POLR1A: variants seen among roughly 807,000 people sequenced by gnomAD.
POLR1A encodes the protein RNA polymerase I subunit A, also known as DNA-directed RNA polymerase I subunit RPA1.
POLR1A carries 84 observed loss-of-function variants against 205.3 expected under a neutral mutation model. The ratio of observed to expected loss-of-function variants is 0.41; its 90% CI spans 0.34 to 0.49. The LOEUF (loss-of-function observed/expected upper bound fraction) is 0.49. POLR1A is among the 20% of genes least tolerant of loss of function. POLR1A has a pLI of 0.22. For missense variants in POLR1A, 1,645 were observed against 2,204.5 expected (o/e 0.75, Z 5.08); for synonymous variants, 799 against 863.7 (o/e 0.93, Z 1.31).
chr2:86,028,499 G>A lies in POLR1A; in HGVS notation c.4897+95C>T. 2 of 852,134 alleles carry A rather than the reference G, an allele frequency of 2.3e-6. No individual in the cohort carries two copies. Among genetic ancestry groups the A allele is most frequent in the Non-Finnish European group, 4.1e-6 (2 of 491,232 alleles). 52.8% of individuals were successfully genotyped at this position (852,134 alleles called of 1,614,324 possible). On this transcript the variant is annotated intron_variant, in intron 32 of 33. Transcript: ENST00000263857. This position sits in a 1 kb window ranked among gnomAD's most constrained non-coding sequence, Gnocchi z 4.5. Reference sequence around the variant, plus strand: ...CCTGCCTTAGTGCTGGACTGACTCGGTGCTGGACCGACACGGTCCTGACCC... The same window carrying A: ...CCTGCCTTAGTGCTGGACTGACTCGATGCTGGACCGACACGGTCCTGACCC...
intron 12 of POLR1A, among the ~76,000 whole-genome samples, chr2:86,072,238 A>G (rs1673191630): frequency 6.6e-6 from 1 of 152,136 alleles, no homozygotes; most frequent in African/African-American, 2.4e-5. Context: ...TCCCCTCCCC[A>G]TTGCCAAGTC....
rs907439179 is a variant in POLR1A, at chr2:86,027,370, C to A, written c.*53G>T. ...CCTCTCATGCAGAAGGCAGGCTGGG[C>A]CACGCCCTCACCAAGGGTCCTTGGA... On this transcript the variant is annotated 3_prime_UTR_variant, in exon 34 of 34. Transcript: ENST00000263857. The A allele has an allele frequency of 5.5e-6, 8 of 1,442,120 alleles. No homozygotes were observed. Among genetic ancestry groups the A allele is most frequent in the Admixed American group, 1.7e-5 (1 of 59,778 alleles). The allele number at this position is 1,442,120 out of a possible 1,614,324, so 89.3% of individuals were successfully genotyped here. A position where few individuals can be genotyped will look rare whatever the true frequency, so the allele number is the denominator to read the frequency against.
chr2:86,079,999 C>T (rs1392703674), intron 9 of POLR1A, among the ~76,000 whole-genome samples: 3 of 152,108 alleles, frequency 2.0e-5, no homozygotes, highest in Admixed American at 1.3e-4. Flanking sequence ...CACACCAATG[C>T]GGGCCGATCA....
At position 86,028,451 on chromosome 2, in the gene POLR1A, C is replaced by T. The variant is rs116768933; in HGVS notation, c.4897+143G>A. On this transcript the variant is annotated intron_variant, in intron 32 of 33. Coordinates refer to ENST00000263857, the MANE Select transcript of POLR1A (RefSeq NM_015425.6). This position sits in a 1 kb window ranked among gnomAD's most constrained non-coding sequence, Gnocchi z 4.5. ...AGATCTGCAGTCTCCTACAGGTGCA[C>T]TCACTGCACGCATGCTGCAGTGCCT... The T allele has an allele frequency of 3.3e-3, 2,289 of 696,000 alleles. 32 individuals are homozygous for T. In the African/African-American group the frequency reaches 0.035, roughly 11 times the overall value. 43.1% of individuals were successfully genotyped at this position (696,000 alleles called of 1,614,324 possible). A position where few individuals can be genotyped will look rare whatever the true frequency, so the allele number is the denominator to read the frequency against.
chr2:86,030,150 G>A, intron 31 of POLR1A, 46 bp downstream of exon 31: 3 of 1,497,040 alleles, frequency 2.0e-6, no homozygotes, highest in African/African-American at 2.7e-5. Context: ...ACAACGTGGG[G>A]TGAGGACTAA....
In POLR1A at chr2:86,033,729, T is replaced by C. The variant is rs370761213; in HGVS notation, c.4093A>G (p.Arg1365Gly). 9.3e-6 allele frequency: 15 copies of C among 1,613,920 alleles called. No individual in the cohort carries two copies. The African/African-American group carries it at 1.9e-4, about 20-fold the overall frequency. ...KKKNNKASAF[R>G]NVNTRRATQR... ...GTAGCTCTTCGAGTGTTTACGTTCC[T>C]GAAAGCTGATGCTTTATTATTCTTC... is the stretch of plus-strand genomic sequence containing the variant. The change falls in exon 28 of 34, where the codon AGG becomes GGG. Residue 1365 changes from arginine (R) to glycine (G), a missense_variant. This residue lies in a region of POLR1A where 394 missense variants were observed against 468.5 expected (regional missense o/e 0.84). Transcript: ENST00000263857.
chr2:86,095,813 T>C (rs1415786499), intron 3 of POLR1A, among the ~76,000 whole-genome samples: 1 of 151,602 alleles, frequency 6.6e-6, no homozygotes, highest in African/African-American at 2.4e-5. Context: ...CTGCAAGCTC[T>C]GCCTCCTGGG....
chr2:86,080,886 C>A lies in POLR1A; in HGVS notation c.1016G>T (p.Arg339Leu), dbSNP rs764656957. The change falls in exon 9 of 34, where the codon CGA (arginine) becomes CTA (leucine). Residue 339 changes from arginine (R) to leucine (L), a missense_variant. Coordinates refer to ENST00000263857, the MANE Select transcript of POLR1A (RefSeq NM_015425.6). Reference protein sequence around the residue: ...QAVMKDVVLIRKLLALMAQEQ... With the variant: ...QAVMKDVVLILKLLALMAQEQ... ...TTGGGCCATCAATGCCAGAAGTTTT[C>A]GAATCAGAACTACATCCTTCATGAC... is the stretch of plus-strand genomic sequence containing the variant. 1 of 1,614,124 alleles carries A rather than the reference C, an allele frequency of 6.2e-7. No homozygotes were observed. The highest frequency in any genetic ancestry group is 2.2e-5 in the East Asian group (1 of 44,884).
chr2:86,046,522 A>C (rs1028531570), intron 19 of POLR1A, among the ~76,000 whole-genome samples: 2 of 152,186 alleles, frequency 1.3e-5, no homozygotes, highest in Admixed American at 1.3e-4. Context: ...AGAAATCTCT[A>C]GGACAATGTT....
chr2:86,053,124 T>C, intron 15 of POLR1A, 124 bp from the exon 16 acceptor site: 1 of 503,972 alleles, frequency 2.0e-6, no homozygotes, highest in Middle Eastern at 5.3e-4. Context: ...CCTAGAATCC[T>C]TCATGGAAAA....
At chr2:86,098,793 T>G (rs774915550) in intron 2 of POLR1A, 33 bp from the exon 3 acceptor site, 1 of 1,608,820 alleles carries the variant, frequency 6.2e-7, no homozygotes, top group South Asian at 1.1e-5. Flanking sequence ...AACAGGATAT[T>G]AGAAAGAGAC....
At chr2:86,029,682 C>T (rs550112040) in intron 31 of POLR1A, among the ~76,000 whole-genome samples, 14 of 151,178 alleles carry the variant, frequency 9.3e-5, no homozygotes, top group Non-Finnish European at 1.6e-4. Context: ...CTGCAAGCTC[C>T]GCCTCCTGGG....
intron 3 of POLR1A, among the ~76,000 whole-genome samples, chr2:86,097,244 C>CAAAAAAAAAAAAAAAAAAAAAA (rs1213876753): frequency 2.1e-3 from 86 of 40,674 alleles, no homozygotes; most frequent in African/African-American, 5.7e-3. Context: ...AAAAAAAAAG[C>CAAAAAAAAAAAAAAAAAAAAAA]AAATGCTGGT....
intron 3 of POLR1A, among the ~76,000 whole-genome samples, chr2:86,090,426 A>G (rs1414309092): frequency 1.3e-5 from 2 of 151,156 alleles, no homozygotes; most frequent in African/African-American, 2.4e-5. Context: ...AGAACATCCT[A>G]CGTCCAATAA....
At position 86,081,642 on chromosome 2, in the gene POLR1A, G is replaced by A. The variant is rs760116329; in HGVS notation, c.882C>T (p.Pro294=). 1.2e-6 allele frequency: 2 copies of A among 1,612,348 alleles called. No individual in the cohort carries two copies. Among genetic ancestry groups the A allele is most frequent in the South Asian group, 1.1e-5 (1 of 90,984 alleles). The change falls in exon 8 of 34, where the codon CCC becomes CCT. Residue 294 remains proline, a synonymous_variant. Coordinates refer to ENST00000263857, the MANE Select transcript of POLR1A (RefSeq NM_015425.6). The part of the protein sequence containing the change: ...DDDGMESRFN[P]SVFFLDFLVV... ...CCAAGAAATCTAGAAAGAACACACT[G>A]GGATTGAATCTGGATTCCATACCAT... is the stretch of plus-strand genomic sequence containing the variant.
chr2:86,088,330 G>A (rs946611103), intron 6 of POLR1A, among the ~76,000 whole-genome samples: 22 of 152,310 alleles, frequency 1.4e-4, no homozygotes, highest in African/African-American at 4.8e-4. Flanking sequence ...GGCAAGAGGC[G>A]CCTGTGGGGC....
chr2:86,030,478 C>CT (rs1458079225), intron 30 of POLR1A, 82 bp from the exon 31 acceptor site: 1 of 1,014,448 alleles, frequency 9.9e-7, no homozygotes, highest in Admixed American at 1.9e-5. Context: ...CCTTCAAAAC[C>CT]TTTTCAGGAA....
At position 86,081,664 on chromosome 2, in the gene POLR1A, CCAT is replaced by C. The variant is rs1412717946; in HGVS notation, c.857_859del (p.Asp286del). 3 of 1,612,006 alleles carry C rather than the reference CCAT, an allele frequency of 1.9e-6. No individual in the cohort carries two copies. In the South Asian group the frequency reaches 3.3e-5, roughly 18 times the overall value. On this transcript the variant is annotated inframe_deletion, in exon 8 of 34. Coordinates refer to ENST00000263857, the MANE Select transcript of POLR1A (RefSeq NM_015425.6). Reference sequence around the variant, plus strand: ...ACTGGGATTGAATCTGGATTCCATACCATCATCATCCATTCCCGAAAAAAGGTA... The same window carrying C: ...ACTGGGATTGAATCTGGATTCCATACCATCATCCATTCCCGAAAAAAGGTA...
At chr2:86,029,571 T>G (rs1672341616) in intron 31 of POLR1A, among the ~76,000 whole-genome samples, 1 of 150,858 alleles carries the variant, frequency 6.6e-6, no homozygotes, top group South Asian at 2.1e-4. Context: ...TTCTCACAAC[T>G]CTACTTCGGG....
Sources: allele counts gnomAD v4.1 joint callset (sites outside exome capture counted in the v4.1 genomes callset), GRCh38; gene constraint gnomAD v4.1.1; regional missense constraint gnomAD v4.1.1; non-coding constraint Gnocchi (gnomAD v3.1); transcripts MANE v1.5; gene names NCBI Gene and HGNC (gene_info 2026-07-23, HGNC 2026-07-21).